The following RRP15 variants were observed in gnomAD, a reference collection of about 807,000 sequenced individuals.
RRP15 encodes the protein RRP15-like protein.
A neutral mutation model predicts 27.1 loss-of-function variants in RRP15; 18 were observed. That is an observed-to-expected ratio of 0.66 (90% confidence interval 0.46 to 0.98). The LOEUF (loss-of-function observed/expected upper bound fraction) is 0.98. Among genes scored for constraint, RRP15 ranks in the 50% least tolerant of loss-of-function variants. RRP15 has a pLI of 0.00. For missense variants in RRP15, 359 were observed against 337.8 expected, an observed-to-expected ratio of 1.06 and a Z score of -0.49; for synonymous variants, 107 against 109.4, an observed-to-expected ratio of 0.98 and a Z score of 0.14.
At chr1:218,315,940 A>C (rs1445082415) in intron 4 of RRP15, among the ~76,000 whole-genome samples, 1 of 152,234 alleles carries the variant, frequency 6.6e-6, no homozygotes, top group Non-Finnish European at 1.5e-5. Context: ...TTTACTGAAA[A>C]TGCCTAAATA....
chr1:218,290,149 G>A (rs900410808), intron 1 of RRP15, among the ~76,000 whole-genome samples: 8 of 151,818 alleles, frequency 5.3e-5, no homozygotes, highest in African/African-American at 1.9e-4. Context: ...ATAGACAGGT[G>A]TTTTTTTTAA....
chr1:218,291,729 A>G (rs902032793), intron 1 of RRP15, among the ~76,000 whole-genome samples: 9 of 151,888 alleles, frequency 5.9e-5, no homozygotes, highest in African/African-American at 2.2e-4. Context: ...ACGGGGTTTC[A>G]ACATGTTGGC....
intron 4 of RRP15, among the ~76,000 whole-genome samples, chr1:218,321,052 ATC>A (rs1656178726): frequency 6.6e-6 from 1 of 152,170 alleles, no homozygotes; most frequent in African/African-American, 2.4e-5. Context: ...GAAGTTAACC[ATC>A]TCATTGGTGT....
chr1:218,301,437 G>A (rs998255974), intron 1 of RRP15: 2 of 152,214 alleles, frequency 1.3e-5, no homozygotes, highest in African/African-American at 4.8e-5. Context: ...CTTAATTTAA[G>A]AAGGTGAAAA....
In RRP15 at chr1:218,302,301, T is replaced by A; in HGVS notation, c.147T>A (p.Cys49Ter). The A allele has an allele frequency of 1.2e-6, 2 of 1,612,120 alleles. No homozygotes were observed. Among genetic ancestry groups the A allele is most frequent in the Non-Finnish European group, 1.7e-6 (2 of 1,178,640 alleles). The change falls in exon 2 of 5, where the codon TGT (cysteine) becomes TGA (stop). Residue 49 changes from cysteine to a stop codon, truncating the protein, a stop_gained. Coordinates refer to ENST00000366932, the MANE Select transcript of RRP15 (RefSeq NM_016052.4). LOFTEE classifies it high-confidence loss of function. ...ATDTSDSEGSCGSEKDHFYSD... is the reference protein window; with the variant it reads ...ATDTSDSEGS Reference sequence around the variant, plus strand: ...TACTCTTTGGTTCTATAGGAAGCTGTGGATCGGAAAAGGACCACTTTTATT... The same window carrying A: ...TACTCTTTGGTTCTATAGGAAGCTGAGGATCGGAAAAGGACCACTTTTATT...
rs1655532174 is a variant in RRP15, at chr1:218,285,548, A to G, written c.139+93A>G. On this transcript the variant is annotated intron_variant, in intron 1 of 4. Coordinates refer to ENST00000366932, the MANE Select transcript of RRP15 (RefSeq NM_016052.4). ...CTTGCGACTTCATTTGCTGCTAGCC[A>G]CCTGGGTTTTATCTTGGCACCACTT... 3 of 1,553,412 alleles carry G rather than the reference A, an allele frequency of 1.9e-6. No individual in the cohort carries two copies. The Admixed American group carries it at 5.7e-5, about 29-fold the overall frequency.
At chr1:218,317,442 G>A (rs150705695) in intron 4 of RRP15, among the ~76,000 whole-genome samples, 1 of 152,170 alleles carries the variant, frequency 6.6e-6, no homozygotes, top group African/African-American at 2.4e-5. Flanking sequence ...TTTTTCCTAG[G>A]TCTCTCGTGC....
Position 218,302,307 on chromosome 1 carries a change from G to T in RRP15, c.153G>T (p.Ser51=), listed in dbSNP as rs145914864. The change falls in exon 2 of 5, where the codon TCG becomes TCT. Residue 51 remains serine (S), a synonymous_variant. Coordinates refer to ENST00000366932, the MANE Select transcript of RRP15 (RefSeq NM_016052.4). ...DTSDSEGSCG[S]EKDHFYSDDD... ...TTGGTTCTATAGGAAGCTGTGGATC[G>T]GAAAAGGACCACTTTTATTCTGATG... is the stretch of plus-strand genomic sequence containing the variant. The T allele has an allele frequency of 6.2e-7, 1 of 1,612,182 alleles. No individual in the cohort carries two copies. Among genetic ancestry groups the T allele is most frequent in the African/African-American group, 1.3e-5 (1 of 74,796 alleles).
chr1:218,324,247 G>T (rs1168155077), intron 4 of RRP15, among the ~76,000 whole-genome samples: 1 of 152,188 alleles, frequency 6.6e-6, no homozygotes, highest in Non-Finnish European at 1.5e-5. Context: ...CTGCAGGGGA[G>T]GTGCAGGTGG....
chr1:218,303,407 A>G (rs530576053), intron 2 of RRP15, among the ~76,000 whole-genome samples: 1 of 152,258 alleles, frequency 6.6e-6, no homozygotes, highest in East Asian at 1.9e-4. Context: ...TTTGTTCTTA[A>G]TACTGGTTGC....
At chr1:218,325,624 T>C (rs1391355146) in intron 4 of RRP15, among the ~76,000 whole-genome samples, 1 of 152,246 alleles carries the variant, frequency 6.6e-6, no homozygotes, top group Non-Finnish European at 1.5e-5. Context: ...ACTTTTGTTT[T>C]CCTGGAAGCT....
intron 3 of RRP15, among the ~76,000 whole-genome samples, chr1:218,306,787 A>G (rs1437787417): frequency 6.6e-6 from 1 of 152,224 alleles, no homozygotes; most frequent in South Asian, 2.1e-4. Context: ...TTAACTCTGC[A>G]TTCAAAATAT....
chr1:218,324,277 G>A (rs754540583), intron 4 of RRP15, among the ~76,000 whole-genome samples: 21 of 152,136 alleles, frequency 1.4e-4, no homozygotes, highest in South Asian at 2.1e-4. Flanking sequence ...TGCCAACCCC[G>A]CACAAATGAA....
chr1:218,327,864 T>C (rs939326209), intron 4 of RRP15, among the ~76,000 whole-genome samples: 2 of 152,218 alleles, frequency 1.3e-5, no homozygotes, highest in Non-Finnish European at 2.9e-5. Context: ...AGCCATAAAG[T>C]GTACTTGGTC....
intron 4 of RRP15, among the ~76,000 whole-genome samples, chr1:218,325,820 A>G (rs1324588712): frequency 2.0e-5 from 3 of 152,138 alleles, no homozygotes; most frequent in Non-Finnish European, 4.4e-5. Flanking sequence ...TATTATTTGC[A>G]TACTGGGCCT....
In RRP15 at chr1:218,331,043, T is replaced by G. The variant is rs777623706; in HGVS notation, c.801T>G (p.Asp267Glu). 6.2e-7 allele frequency: 1 copy of G among 1,613,672 alleles called. No homozygotes were observed. Among genetic ancestry groups the G allele is most frequent in the East Asian group, 2.2e-5 (1 of 44,864 alleles). ...ASMKDWDKESDGPDDSRPESA... is the reference protein window; with the variant it reads ...ASMKDWDKESEGPDDSRPESA... ...TGAAAGACTGGGACAAGGAAAGTGA[T>G]GGGCCAGATGACAGCAGACCAGAAT... The change falls in exon 5 of 5, where the codon GAT (aspartate) becomes GAG (glutamate). Residue 267 changes from aspartate (D) to glutamate (E), a missense_variant. Asp to Glu is a conservative substitution (Grantham distance 45). Transcript: ENST00000366932.
Position 218,331,155 on chromosome 1 carries a change from T to C in RRP15, c.*64T>C, listed in dbSNP as rs1381630477. 1 of 1,472,854 alleles carries C rather than the reference T, an allele frequency of 6.8e-7. No homozygotes were observed. Among genetic ancestry groups the C allele is most frequent in the South Asian group, 1.3e-5 (1 of 75,356 alleles). The allele number at this position is 1,472,854 out of a possible 1,614,324, so 91.2% of individuals were successfully genotyped here. On this transcript the variant is annotated 3_prime_UTR_variant, in exon 5 of 5. Transcript: ENST00000366932. ...TCTAGAAAAATATGTCATCCTCTGA[T>C]AGTTGGGGAATTATAAGGATACCAT... is the stretch of plus-strand genomic sequence containing the variant.
In RRP15 at chr1:218,302,220, AG is replaced by A. The variant is rs1413025062; in HGVS notation, c.140-71del. On this transcript the variant is annotated intron_variant, in intron 1 of 4. Transcript: ENST00000366932. Reference sequence around the variant, plus strand: ...AATGGGGACAGGCAGAGCTCCAGGAAGGGTTCGGGGGGCCTTGGCAGCCTCT... The same window carrying A: ...AATGGGGACAGGCAGAGCTCCAGGAAGGTTCGGGGGGCCTTGGCAGCCTCT... 4.4e-6 allele frequency: 5 copies of A among 1,140,064 alleles called. No individual in the cohort carries two copies. The Admixed American group carries it at 1.1e-4, about 25-fold the overall frequency. 70.6% of individuals were successfully genotyped at this position (1,140,064 alleles called of 1,614,324 possible).
intron 1 of RRP15, among the ~76,000 whole-genome samples, chr1:218,290,744 C>T (rs1267954499): frequency 6.6e-6 from 1 of 152,240 alleles, no homozygotes; most frequent in African/African-American, 2.4e-5. Context: ...GCTGGGATTA[C>T]AGGCATGAGC....
Sources: allele counts gnomAD v4.1 joint callset (sites outside exome capture counted in the v4.1 genomes callset), GRCh38; gene constraint gnomAD v4.1.1; transcripts MANE v1.5; gene names NCBI Gene and HGNC (gene_info 2026-07-23, HGNC 2026-07-21).